PTPRG: variants seen among roughly 807,000 people sequenced by gnomAD.
The protein encoded by PTPRG is protein tyrosine phosphatase receptor type G, also known as receptor-type tyrosine-protein phosphatase gamma.
PTPRG carries 102 observed loss-of-function variants against 165.3 expected under a neutral mutation model. The ratio of observed to expected loss-of-function variants is 0.62; its 90% confidence interval spans 0.53 to 0.73. The LOEUF (loss-of-function observed/expected upper bound fraction) is 0.73, where lower values mean the gene tolerates loss of function less well. Among genes scored for constraint, PTPRG ranks in the 30% least tolerant of loss-of-function variants. PTPRG has a pLI of 0.00. For missense variants in PTPRG, 1,866 were observed against 1,861.4 expected (o/e 1.00, Z -0.05); for synonymous variants, 675 against 669.5 (o/e 1.01, Z -0.13).
intron 2 of PTPRG, among the ~76,000 whole-genome samples, chr3:61,835,370 C>G (rs2036426986): frequency 6.6e-6 from 1 of 152,118 alleles, no homozygotes; most frequent in Non-Finnish European, 1.5e-5. Context: ...CTACTCCCCC[C>G]TTCCCCAGGC....
intron 6 of PTPRG, among the ~76,000 whole-genome samples, chr3:62,154,335 T>C (rs1459231246): frequency 6.6e-6 from 1 of 152,172 alleles, no homozygotes; most frequent in Non-Finnish European, 1.5e-5. Flanking sequence ...CTGTCCCTTG[T>C]ACTGGGTCTA....
chr3:61,717,494 G>A (rs965573590), intron 1 of PTPRG, among the ~76,000 whole-genome samples: 1 of 152,086 alleles, frequency 6.6e-6, no homozygotes, highest in Non-Finnish European at 1.5e-5. Context: ...TTACTATAAA[G>A]AATGATTTGT....
At chr3:61,664,354 G>A (rs1702748561) in intron 1 of PTPRG, among the ~76,000 whole-genome samples, 1 of 152,122 alleles carries the variant, frequency 6.6e-6, no homozygotes, top group Admixed American at 6.5e-5. Context: ...AGAGCTCTTG[G>A]TCTGATGGGC....
At chr3:62,114,471 A>C (rs547549075) in intron 5 of PTPRG, among the ~76,000 whole-genome samples, 1 of 152,154 alleles carries the variant, frequency 6.6e-6, no homozygotes, top group East Asian at 1.9e-4. Flanking sequence ...GTTGTTTAGG[A>C]GTCATTATTT....
At position 62,183,829 on chromosome 3, in the gene PTPRG, G is replaced by A. The variant is rs541615392; in HGVS notation, c.1034-7640G>A. Among the ~76,000 whole-genome samples the A allele has an allele frequency of 5.1e-4, 78 of 152,324 alleles. 1 individual carries two copies. In the Middle Eastern group the frequency reaches 0.014, roughly 27 times the overall value. On this transcript the variant is annotated intron_variant, in intron 8 of 29. Coordinates refer to ENST00000474889, the MANE Select transcript of PTPRG (RefSeq NM_002841.4). ...GAAGGGAGTGGGGATGGGGAAGGAT[G>A]AAGGAGAAGGGAACGGGAAGGAAGC... is the stretch of plus-strand genomic sequence containing the variant.
At position 61,922,645 on chromosome 3, in the gene PTPRG, G is replaced by A. The variant is rs189143533; in HGVS notation, c.191-66980G>A. Among the ~76,000 whole-genome samples the A allele has an allele frequency of 3.2e-3, 491 of 152,302 alleles. 2 individuals are homozygous for A. The highest frequency in any genetic ancestry group is 5.7e-3 in the Non-Finnish European group (385 of 68,010). Reference sequence around the variant, plus strand: ...TAACTTGCTCCTTAGCTCAGTTCAGGTCTTTTATCTTTTGAGGCAGGCTCT... The same window carrying A: ...TAACTTGCTCCTTAGCTCAGTTCAGATCTTTTATCTTTTGAGGCAGGCTCT... On this transcript the variant is annotated intron_variant, in intron 2 of 29. Transcript: ENST00000474889.
At chr3:62,247,315 A>G (rs963969218) in intron 15 of PTPRG, among the ~76,000 whole-genome samples, 1 of 152,128 alleles carries the variant, frequency 6.6e-6, no homozygotes, top group Non-Finnish European at 1.5e-5. Context: ...ACCTCTTGGC[A>G]TACGACTGTA....
intron 2 of PTPRG, among the ~76,000 whole-genome samples, chr3:61,873,888 C>T (rs2037653300): frequency 6.6e-6 from 1 of 152,208 alleles, no homozygotes; most frequent in Admixed American, 6.5e-5. Flanking sequence ...GAGACTCAAC[C>T]TCCTCCTGCC....
In PTPRG at chr3:61,954,056, G is replaced by C. The variant is rs534014238; in HGVS notation, c.191-35569G>C. 1.4e-4 allele frequency among the ~76,000 whole-genome samples: 21 copies of C among 152,240 alleles called. 1 individual carries two copies. In the South Asian group the frequency reaches 4.4e-3, roughly 32 times the overall value. On this transcript the variant is annotated intron_variant, in intron 2 of 29. Transcript: ENST00000474889. ...AATCTGGGGAGAGGACAGACTCATTGGTCTTCCAGTTTGTTTTCCTAGAGA... is the reference window on the plus strand; with the variant it reads ...AATCTGGGGAGAGGACAGACTCATTCGTCTTCCAGTTTGTTTTCCTAGAGA...
At chr3:62,124,508 C>T in intron 5 of PTPRG, 1 of 1,581,192 alleles carries the variant, frequency 6.3e-7, no homozygotes. Context: ...TTACAGCAGG[C>T]TCATCAGGTC....
chr3:61,898,605 G>C (rs2038421507), intron 2 of PTPRG, among the ~76,000 whole-genome samples: 1 of 152,128 alleles, frequency 6.6e-6, no homozygotes, highest in African/African-American at 2.4e-5. Flanking sequence ...GGCATGATAG[G>C]TTACATTGCG....
intron 1 of PTPRG, among the ~76,000 whole-genome samples, chr3:61,664,533 T>C (rs1702753250): frequency 6.6e-6 from 1 of 152,210 alleles, no homozygotes; most frequent in Non-Finnish European, 1.5e-5. Context: ...TTTTGGCATT[T>C]AAAAATGCAT....
chr3:61,704,508 A>G (rs2031147360), intron 1 of PTPRG, among the ~76,000 whole-genome samples: 1 of 152,162 alleles, frequency 6.6e-6, no homozygotes, highest in African/African-American at 2.4e-5. Flanking sequence ...TTCACTAGAT[A>G]GCTCCAGTGT....
chr3:61,920,879 A>G (rs1036388965), intron 2 of PTPRG, among the ~76,000 whole-genome samples: 8 of 152,202 alleles, frequency 5.3e-5, no homozygotes, highest in Non-Finnish European at 1.2e-4. Flanking sequence ...ATTTAATGGG[A>G]CATTTAATAA....
intron 2 of PTPRG, among the ~76,000 whole-genome samples, chr3:61,914,851 G>A (rs547345768): frequency 2.0e-5 from 3 of 152,316 alleles, no homozygotes; most frequent in East Asian, 1.9e-4. Context: ...AGAGGAATAC[G>A]TGGGCTTTAT....
At chr3:61,642,846 G>C (rs1015461405) in intron 1 of PTPRG, among the ~76,000 whole-genome samples, 3 of 152,288 alleles carry the variant, frequency 2.0e-5, no homozygotes, top group Non-Finnish European at 4.4e-5. Context: ...TCAATGAATT[G>C]ATGGATCTGG....
intron 14 of PTPRG, among the ~76,000 whole-genome samples, chr3:62,242,358 A>G (rs1168151771): frequency 6.6e-6 from 1 of 152,198 alleles, no homozygotes; most frequent in South Asian, 2.1e-4. Context: ...TCAGTGCTCT[A>G]TTAGAGTAGT....
chr3:62,158,378 A>C (rs1704620424), intron 7 of PTPRG, among the ~76,000 whole-genome samples: 1 of 152,238 alleles, frequency 6.6e-6, no homozygotes, highest in African/African-American at 2.4e-5. Flanking sequence ...GATTTGAGCC[A>C]TTAACCAAGA....
intron 2 of PTPRG, among the ~76,000 whole-genome samples, chr3:61,928,414 A>G (rs2039279214): frequency 6.6e-6 from 1 of 152,202 alleles, no homozygotes; most frequent in Non-Finnish European, 1.5e-5. Context: ...ATTTTGCCTG[A>G]GTCCATTTTT....
Sources: gnomAD v4.1 joint callset for allele counts (sites outside exome capture counted in the v4.1 genomes callset) on GRCh38, gnomAD v4.1.1 for gene constraint, MANE v1.5 for transcripts, NCBI Gene and HGNC (gene_info 2026-07-23, HGNC 2026-07-21) for gene names.